KCNH7: variants seen among roughly 807,000 people sequenced by gnomAD.
The protein encoded by KCNH7 is voltage-gated inwardly rectifying potassium channel KCNH7.
KCNH7 carries 49 observed loss-of-function variants against 120.8 expected under a neutral mutation model. That is an observed-to-expected ratio of 0.41 (90% CI 0.32 to 0.51). The LOEUF is 0.51. KCNH7 is among the 20% of genes least tolerant of loss of function. The pLI is 0.38. For missense variants in KCNH7, 1,097 were observed against 1,446.6 expected, an observed-to-expected ratio of 0.76 and a Z score of 3.92; for synonymous variants, 547 against 516.1, an observed-to-expected ratio of 1.06 and a Z score of -0.81.
At chr2:162,411,846 G>A (rs2105466934) in intron 9 of KCNH7, among the ~76,000 whole-genome samples, 1 of 151,530 alleles carries the variant, frequency 6.6e-6, no homozygotes, top group Admixed American at 6.6e-5. Context: ...ACCCCAATAA[G>A]TAGTTGCTAT....
intron 2 of KCNH7, among the ~76,000 whole-genome samples, chr2:162,704,049 C>T (rs1686607760): frequency 6.6e-6 from 1 of 152,082 alleles, no homozygotes; most frequent in Admixed American, 6.6e-5. Flanking sequence ...TTCTGCTACA[C>T]ATTTTAAAGG....
intron 2 of KCNH7, among the ~76,000 whole-genome samples, chr2:162,826,440 C>G (rs1411166850): frequency 2.0e-5 from 3 of 152,044 alleles, no homozygotes; most frequent in Non-Finnish European, 4.4e-5. Flanking sequence ...CTTTTCCCTT[C>G]TAGGCTAACT....
chr2:162,647,114 A>T (rs574599856), intron 2 of KCNH7, among the ~76,000 whole-genome samples: 1 of 152,194 alleles, frequency 6.6e-6, no homozygotes, highest in African/African-American at 2.4e-5. Flanking sequence ...GGCTCCAAAA[A>T]GAAAAGATAG....
At chr2:162,397,595 T>C (rs1484576294) in intron 10 of KCNH7, among the ~76,000 whole-genome samples, 2 of 151,874 alleles carry the variant, frequency 1.3e-5, no homozygotes, top group African/African-American at 4.8e-5. Context: ...GTTATTTCAG[T>C]GTCTCGCTTC....
At chr2:162,742,362 G>A (rs944921141) in intron 2 of KCNH7, among the ~76,000 whole-genome samples, 14 of 151,788 alleles carry the variant, frequency 9.2e-5, no homozygotes, top group African/African-American at 3.4e-4. Flanking sequence ...TTTTCCTTTT[G>A]TTTCTTCATT....
At chr2:162,703,018 T>C (rs1686571191) in intron 2 of KCNH7, among the ~76,000 whole-genome samples, 1 of 152,134 alleles carries the variant, frequency 6.6e-6, no homozygotes, top group African/African-American at 2.4e-5. Context: ...GAGCCTGCAG[T>C]AGTTCAGGAA....
At position 162,504,483 on chromosome 2, in the gene KCNH7, A is replaced by G. The variant is rs746778116; in HGVS notation, c.1088T>C (p.Val363Ala). 2 of 1,612,942 alleles carry G rather than the reference A, an allele frequency of 1.2e-6. No individual in the cohort carries two copies. The highest frequency in any genetic ancestry group is 1.3e-5 in the African/African-American group (1 of 74,828). Residue 363 changes from valine to alanine, a missense_variant, in exon 6 of 16, where the codon GTT becomes GCT. Physicochemically the swap from Val to Ala is moderately conservative, Grantham distance 64. Around this residue, in one of 8 missense-constraint regions of KCNH7, gnomAD observed 362 missense variants for 372.2 expected, o/e 0.97. Coordinates refer to ENST00000332142, the MANE Select transcript of KCNH7 (RefSeq NM_033272.4). Reference sequence around the variant, plus strand: ...AGTCACATTGTGTGTTCGATCTTTAACCTTGGGTGCAATAATGGTTTTATC... The same window carrying G: ...AGTCACATTGTGTGTTCGATCTTTAGCCTTGGGTGCAATAATGGTTTTATC... ...SSDKTIIAPK[V>A]KDRTHNVTEK...
chr2:162,769,891 T>A (rs1682975770), intron 2 of KCNH7, among the ~76,000 whole-genome samples: 1 of 152,112 alleles, frequency 6.6e-6, no homozygotes, highest in African/African-American at 2.4e-5. Flanking sequence ...GCTGTCCTTA[T>A]AAACAAATTA....
chr2:162,652,852 A>T (rs985232884), intron 2 of KCNH7, among the ~76,000 whole-genome samples: 1 of 152,246 alleles, frequency 6.6e-6, no homozygotes, highest in Non-Finnish European at 1.5e-5. Flanking sequence ...ACACATTTTT[A>T]AAAGTATTTA....
intron 8 of KCNH7, among the ~76,000 whole-genome samples, chr2:162,434,307 C>T (rs1001419532): frequency 5.9e-5 from 9 of 152,054 alleles, no homozygotes; most frequent in Non-Finnish European, 1.3e-4. Flanking sequence ...TGATGGGAAT[C>T]ATTCATACCC....
chr2:162,579,663 C>A (rs146435606), intron 2 of KCNH7, among the ~76,000 whole-genome samples: 101 of 152,058 alleles, frequency 6.6e-4, no homozygotes, highest in Middle Eastern at 3.4e-3. Context: ...TGAAAAGTAC[C>A]ATTTATTGAA....
intron 2 of KCNH7, among the ~76,000 whole-genome samples, chr2:162,580,971 T>C (rs889192664): frequency 6.6e-6 from 1 of 152,046 alleles, no homozygotes; most frequent in African/African-American, 2.4e-5. Flanking sequence ...ATTTAAAAAA[T>C]ATATTAGCTG....
chr2:162,794,033 A>G (rs1684049334), intron 2 of KCNH7, among the ~76,000 whole-genome samples: 1 of 152,054 alleles, frequency 6.6e-6, no homozygotes, highest in Admixed American at 6.6e-5. Flanking sequence ...AATACATCAC[A>G]TCTCACAACT....
At chr2:162,405,051 C>T (rs1305607118) in intron 9 of KCNH7, among the ~76,000 whole-genome samples, 1 of 151,938 alleles carries the variant, frequency 6.6e-6, no homozygotes, top group Non-Finnish European at 1.5e-5. Context: ...ATAAAAAGCT[C>T]TAATTTCATT....
chr2:162,380,613 A>G (rs1018080793), intron 13 of KCNH7, among the ~76,000 whole-genome samples: 1 of 152,094 alleles, frequency 6.6e-6, no homozygotes, highest in Non-Finnish European at 1.5e-5. Flanking sequence ...TCATGTTTTA[A>G]TGCTTTCTTG....
At chr2:162,554,502 T>C (rs1262512864) in intron 2 of KCNH7, among the ~76,000 whole-genome samples, 1 of 152,194 alleles carries the variant, frequency 6.6e-6, no homozygotes, top group Non-Finnish European at 1.5e-5. Context: ...CAGGGCTACA[T>C]TCCTTCTGGA....
chr2:162,797,030 A>T (rs533348013), intron 2 of KCNH7: 1 of 152,058 alleles, frequency 6.6e-6, no homozygotes, highest in Non-Finnish European at 1.5e-5. Context: ...GAAGAAGTAC[A>T]ATCTGGTTGA....
At chr2:162,724,431 G>T (rs1027620063) in intron 2 of KCNH7, among the ~76,000 whole-genome samples, 2 of 152,050 alleles carry the variant, frequency 1.3e-5, no homozygotes. Context: ...CCAGCACTTT[G>T]GGAGGCCGAG....
chr2:162,685,347 A>T (rs1397903967), intron 2 of KCNH7, among the ~76,000 whole-genome samples: 1 of 152,032 alleles, frequency 6.6e-6, no homozygotes, highest in East Asian at 1.9e-4. Flanking sequence ...AGTATAATAA[A>T]AAAAAAGATA....
Sources: allele counts gnomAD v4.1 joint callset (sites outside exome capture counted in the v4.1 genomes callset), GRCh38; gene constraint gnomAD v4.1.1; regional missense constraint gnomAD v4.1.1; transcripts MANE v1.5; gene names NCBI Gene and HGNC (gene_info 2026-07-23, HGNC 2026-07-21).